Variants in KLRG2 observed in about 807,000 individuals in gnomAD.
The protein encoded by KLRG2 is killer cell lectin-like receptor subfamily G member 2.
KLRG2 carries 39 observed loss-of-function variants against 35.4 expected under a neutral mutation model. The ratio of observed to expected loss-of-function variants is 1.10; its 90% CI spans 0.85 to 1.44. KLRG2 has a LOEUF of 1.44. KLRG2 is among the 40% of genes most tolerant of loss of function. The pLI is 0.00. For synonymous variants in KLRG2, 283 were observed against 265.8 expected, an observed-to-expected ratio of 1.06 and a Z score of -0.63; for missense variants, 632 against 570.9, an observed-to-expected ratio of 1.11 and a Z score of -1.09.
chr7:139,445,795 G>GTATATATATATATATA, the KLRG2 span, among the ~76,000 whole-genome samples: 20 of 92,010 alleles, frequency 2.2e-4, no homozygotes, highest in African/African-American at 1.2e-3. Flanking sequence ...ATATATATGT[G>GTATATATATATATATA]TGTATATATA....
chr7:139,472,665 T>C (rs925431160), intron 3 of KLRG2, among the ~76,000 whole-genome samples: 1 of 151,186 alleles, frequency 6.6e-6, no homozygotes, highest in Non-Finnish European at 1.5e-5. Context: ...AACAGCCTCA[T>C]AGAGCTGAGA....
At chr7:139,444,154 C>T in the KLRG2 span, among the ~76,000 whole-genome samples, 1 of 152,196 alleles carries the variant, frequency 6.6e-6, no homozygotes, top group Non-Finnish European at 1.5e-5. Flanking sequence ...ATGCTGGAGA[C>T]TGATTAGATG....
chr7:139,478,741 G>A (rs1376568636), intron 3 of KLRG2, among the ~76,000 whole-genome samples: 1 of 152,038 alleles, frequency 6.6e-6, no homozygotes, highest in Non-Finnish European at 1.5e-5. Context: ...TTTTGTAGAT[G>A]CTCTCAAACC....
At chr7:139,438,552 C>T in the KLRG2 span, among the ~76,000 whole-genome samples, 2 of 152,020 alleles carry the variant, frequency 1.3e-5, no homozygotes, top group African/African-American at 2.4e-5. Flanking sequence ...CACCATACAC[C>T]GATCGGTAGG....
the KLRG2 span, among the ~76,000 whole-genome samples, chr7:139,438,605 T>C: frequency 6.6e-6 from 1 of 151,920 alleles, no homozygotes; most frequent in Non-Finnish European, 1.5e-5. Flanking sequence ...TGAGGACTTG[T>C]AGCACCTGGA....
chr7:139,464,366 C>G (rs1416908650), intron 3 of KLRG2, among the ~76,000 whole-genome samples: 2 of 152,128 alleles, frequency 1.3e-5, no homozygotes, highest in Non-Finnish European at 2.9e-5. Context: ...CCTTACAATT[C>G]CCCCATTTTA....
At chr7:139,474,841 TG>T (rs544039802) in intron 3 of KLRG2, among the ~76,000 whole-genome samples, 446 of 152,310 alleles carry the variant, frequency 2.9e-3, no homozygotes, top group African/African-American at 0.01. Context: ...CCATAGCCCT[TG>T]ACACAGGATT....
intron 3 of KLRG2, among the ~76,000 whole-genome samples, chr7:139,459,587 G>A (rs1796535005): frequency 6.6e-6 from 1 of 152,188 alleles, no homozygotes; most frequent in African/African-American, 2.4e-5. Context: ...GCCCAGCCCA[G>A]GCGCTGAGCA....
the KLRG2 span, among the ~76,000 whole-genome samples, chr7:139,438,021 G>T: frequency 7.9e-5 from 12 of 152,280 alleles, no homozygotes; most frequent in South Asian, 4.1e-4. Flanking sequence ...GGCCTCAAAA[G>T]GCCTGCGTGT....
At chr7:139,465,607 G>C (rs1206554131) in intron 3 of KLRG2, among the ~76,000 whole-genome samples, 1 of 151,690 alleles carries the variant, frequency 6.6e-6, no homozygotes, top group African/African-American at 2.4e-5. Flanking sequence ...CAGGAGAATG[G>C]CGTGAACCTG....
intron 3 of KLRG2, among the ~76,000 whole-genome samples, chr7:139,459,459 C>A (rs1344173806): frequency 6.6e-6 from 1 of 152,188 alleles, no homozygotes; most frequent in Non-Finnish European, 1.5e-5. Flanking sequence ...CCTTTGGTCC[C>A]ACCTACATTC....
downstream of KLRG2, among the ~76,000 whole-genome samples, chr7:139,452,487 A>T (rs926934610): frequency 5.9e-5 from 9 of 152,158 alleles, no homozygotes; most frequent in African/African-American, 2.2e-4. Flanking sequence ...AATTTCTCCC[A>T]TCTAGGACTC....
chr7:139,454,147 C>T lies in KLRG2; in HGVS notation c.1073G>A (p.Trp358Ter). 5 of 1,547,138 alleles carry T rather than the reference C, an allele frequency of 3.2e-6. No individual in the cohort carries two copies. Among genetic ancestry groups the T allele is most frequent in the Non-Finnish European group, 4.4e-6 (5 of 1,144,516 alleles). Reference sequence around the variant, plus strand: ...GAGTGGGGCCTCGTCGATCCAGTGCCAGCCCTGGGGGCCTCGCCAGGCCCC... The same window carrying T: ...GAGTGGGGCCTCGTCGATCCAGTGCTAGCCCTGGGGGCCTCGCCAGGCCCC... ...WVGAWRGPQG[W>*]HWIDEAPLPP... Residue 358 changes from tryptophan to a stop codon, truncating the protein, a stop_gained, in exon 4 of 5, where the codon TGG becomes TAG. Coordinates refer to ENST00000340940, the MANE Select transcript of KLRG2 (RefSeq NM_198508.4). LOFTEE classifies it low-confidence loss of function (END_TRUNC).
chr7:139,444,132 T>G, the KLRG2 span, among the ~76,000 whole-genome samples: 3 of 152,262 alleles, frequency 2.0e-5, no homozygotes, highest in Admixed American at 2.0e-4. Flanking sequence ...TCTTCTGCCT[T>G]TTATCCTAGC....
At chr7:139,468,199 A>T (rs1796698747) in intron 3 of KLRG2, among the ~76,000 whole-genome samples, 1 of 152,064 alleles carries the variant, frequency 6.6e-6, no homozygotes, top group Admixed American at 6.6e-5. Flanking sequence ...AGAATGATCA[A>T]TAAATACTAA....
chr7:139,455,321 ATTTT>A (rs557794592), intron 3 of KLRG2, among the ~76,000 whole-genome samples: 3 of 122,608 alleles, frequency 2.4e-5, no homozygotes, highest in Admixed American at 8.8e-5. Flanking sequence ...CCCGGCCAAG[ATTTT>A]TTTTTTTTTT....
chr7:139,481,254 C>T (rs190271405), intron 1 of KLRG2, among the ~76,000 whole-genome samples: 2 of 152,234 alleles, frequency 1.3e-5, no homozygotes, highest in Admixed American at 6.5e-5. Context: ...ACCAGTGAGC[C>T]GGCATTATAG....
the KLRG2 span, among the ~76,000 whole-genome samples, chr7:139,435,839 G>A: frequency 6.6e-6 from 1 of 151,888 alleles, no homozygotes; most frequent in African/African-American, 2.4e-5. Context: ...TTAAAGTCAT[G>A]TGTTTATTTG....
At chr7:139,434,013 C>T in the KLRG2 span, among the ~76,000 whole-genome samples, 1 of 152,120 alleles carries the variant, frequency 6.6e-6, no homozygotes, top group Admixed American at 6.6e-5. Flanking sequence ...GAGCCCTGAG[C>T]CTGTGGTACT....
Sources: gnomAD v4.1 joint callset for allele counts (sites outside exome capture counted in the v4.1 genomes callset) on GRCh38, gnomAD v4.1.1 for gene constraint, MANE v1.5 for transcripts, NCBI Gene and HGNC (gene_info 2026-07-23, HGNC 2026-07-21) for gene names.